The following UBE2QL1 variants were observed in gnomAD, a reference collection of about 807,000 sequenced individuals.
UBE2QL1 encodes ubiquitin-conjugating enzyme E2Q-like protein 1.
A neutral mutation model predicts 12.6 loss-of-function variants in UBE2QL1; 5 were observed. The observed-to-expected ratio is 0.40, with a 90% CI of 0.21 to 0.83. The LOEUF (loss-of-function observed/expected upper bound fraction) is 0.83, where lower values mean the gene tolerates loss of function less well. Ranked by LOEUF, UBE2QL1 falls within the 40% of genes least tolerant of loss-of-function variation. The pLI, the probability that UBE2QL1 is intolerant of heterozygous loss-of-function variation, is 0.37. For synonymous variants in UBE2QL1, 96 were observed against 94.5 expected (o/e 1.02, Z -0.10); for missense variants, 99 against 222.6 (o/e 0.44, Z 3.53).
intron 1 of UBE2QL1, among the ~76,000 whole-genome samples, chr5:6,460,190 C>T (rs1367968214): frequency 6.6e-6 from 1 of 152,126 alleles, no homozygotes; most frequent in Non-Finnish European, 1.5e-5. Flanking sequence ...TGGGCAGGCA[C>T]CCACCTCCCT....
At position 6,481,043 on chromosome 5, in the gene UBE2QL1, T is replaced by C. The variant is rs1228642202; in HGVS notation, c.355-10175T>C. ...TGCTAAAAAATAAGGTCAATAGGAGTTTTTAAGGTTTTGATAGTATTATAA... is the reference window on the plus strand; with the variant it reads ...TGCTAAAAAATAAGGTCAATAGGAGCTTTTAAGGTTTTGATAGTATTATAA... On this transcript the variant is annotated intron_variant, in intron 1 of 1. Coordinates refer to ENST00000399816, the MANE Select transcript of UBE2QL1 (RefSeq NM_001145161.3). The surrounding 1 kb of genome is among the most constrained non-coding windows in gnomAD (Gnocchi z 4.5). 6.6e-6 allele frequency among the ~76,000 whole-genome samples: 1 copy of C among 151,668 alleles called. No homozygotes were observed. Among genetic ancestry groups the C allele is most frequent in the Non-Finnish European group, 1.5e-5 (1 of 67,944 alleles).
intron 1 of UBE2QL1, among the ~76,000 whole-genome samples, chr5:6,469,881 T>C (rs1739873401): frequency 6.6e-6 from 1 of 152,170 alleles, no homozygotes; most frequent in African/African-American, 2.4e-5. Flanking sequence ...AGGAGATGGC[T>C]CTAATTTGGT....
intron 1 of UBE2QL1, among the ~76,000 whole-genome samples, chr5:6,461,895 C>T (rs1232373235): frequency 1.3e-5 from 2 of 152,200 alleles, no homozygotes; most frequent in African/African-American, 2.4e-5. Flanking sequence ...CCACTGGTTT[C>T]CCAGCTCCAC....
intron 1 of UBE2QL1, among the ~76,000 whole-genome samples, chr5:6,483,816 G>A (rs539524200): frequency 6.6e-6 from 1 of 152,296 alleles, no homozygotes; most frequent in African/African-American, 2.4e-5. Flanking sequence ...GCTGGTCCAT[G>A]TAGCCATGTG....
chr5:6,484,918 C>G (rs1560936649), intron 1 of UBE2QL1, among the ~76,000 whole-genome samples: 1 of 152,036 alleles, frequency 6.6e-6, no homozygotes, highest in Non-Finnish European at 1.5e-5. Flanking sequence ...CTCCACTCAG[C>G]CAAGAGCCTT....
intron 1 of UBE2QL1, among the ~76,000 whole-genome samples, chr5:6,470,353 A>G (rs558979784): frequency 6.6e-6 from 1 of 152,362 alleles, no homozygotes; most frequent in East Asian, 1.9e-4. Context: ...CTGTGTGCAG[A>G]ATTATAATGG....
At chr5:6,454,905 A>G (rs1247585886) in intron 1 of UBE2QL1, among the ~76,000 whole-genome samples, 1 of 152,004 alleles carries the variant, frequency 6.6e-6, no homozygotes, top group Non-Finnish European at 1.5e-5. Flanking sequence ...TGTTCAGAGG[A>G]AAAAATAGCT....
chr5:6,496,116 C>A lies in UBE2QL1; in HGVS notation c.*4767C>A, dbSNP rs532496764. On this transcript the variant is annotated 3_prime_UTR_variant, in exon 2 of 2. Transcript: ENST00000399816. ...GCAATGAGGGGGTCAGGTGCGAGGC[C>A]GTCCTCCCAGGTCAGTAAGGCCGCA... Among the ~76,000 whole-genome samples, 1 of 152,098 alleles carries A rather than the reference C, an allele frequency of 6.6e-6. No individual in the cohort carries two copies. The highest frequency in any genetic ancestry group is 1.5e-5 in the Non-Finnish European group (1 of 68,020).
intron 1 of UBE2QL1, among the ~76,000 whole-genome samples, chr5:6,487,924 C>T (rs6865363): frequency 0.19 from 29,619 of 152,168 alleles, 6,375 homozygotes; most frequent in African/African-American, 0.53. Flanking sequence ...GTCAGAAAAA[C>T]GGCTCTGTGA....
At chr5:6,471,160 T>C (rs1429320236) in intron 1 of UBE2QL1, among the ~76,000 whole-genome samples, 2 of 152,214 alleles carry the variant, frequency 1.3e-5, no homozygotes, top group Non-Finnish European at 1.5e-5. Flanking sequence ...TTTCGTTTGA[T>C]TGTTATTTAT....
intron 1 of UBE2QL1, among the ~76,000 whole-genome samples, chr5:6,467,288 C>G (rs1739817931): frequency 6.6e-6 from 1 of 152,026 alleles, no homozygotes; most frequent in Admixed American, 6.6e-5. Flanking sequence ...AAAACAAAGT[C>G]CCCACAGGCT....
rs185445321 is a variant in UBE2QL1, at chr5:6,467,802, C to T, written c.354+18555C>T. On this transcript the variant is annotated intron_variant, in intron 1 of 1. Coordinates refer to ENST00000399816, the MANE Select transcript of UBE2QL1 (RefSeq NM_001145161.3). Reference sequence around the variant, plus strand: ...CCCCCCAGACTGTGTTCCTTCCCATCCCCCTTTGTTCCTGCAGCATCGACA... The same window carrying T: ...CCCCCCAGACTGTGTTCCTTCCCATTCCCCTTTGTTCCTGCAGCATCGACA... 2.0e-3 allele frequency among the ~76,000 whole-genome samples: 298 copies of T among 152,040 alleles called. 3 individuals carry two copies. The highest frequency in any genetic ancestry group is 7.0e-3 in the African/African-American group (290 of 41,458).
intron 1 of UBE2QL1, among the ~76,000 whole-genome samples, chr5:6,465,623 G>T (rs995084690): frequency 6.6e-6 from 1 of 152,138 alleles, no homozygotes; most frequent in Non-Finnish European, 1.5e-5. Flanking sequence ...TCTTGGGGGG[G>T]CTCTGGGATG....
intron 1 of UBE2QL1, among the ~76,000 whole-genome samples, chr5:6,466,353 C>T (rs1739793249): frequency 6.6e-6 from 1 of 152,204 alleles, no homozygotes; most frequent in Admixed American, 6.5e-5. Flanking sequence ...CCCCCCAACC[C>T]ATCTGCCTCC....
chr5:6,480,628 C>G (rs1367371452), intron 1 of UBE2QL1, among the ~76,000 whole-genome samples: 1 of 152,216 alleles, frequency 6.6e-6, no homozygotes, highest in African/African-American at 2.4e-5. Context: ...AAAGTACCAT[C>G]TGTTTCAAAA....
intron 1 of UBE2QL1, 105 bp downstream of exon 1, chr5:6,449,352 C>A: frequency 9.0e-7 from 1 of 1,112,638 alleles, no homozygotes; most frequent in South Asian, 3.4e-5. Context: ...CCCCTCCGGC[C>A]ATCTCGCTCC....
At position 6,490,459 on chromosome 5, in the gene UBE2QL1, G is replaced by A. The variant is rs1296592845; in HGVS notation, c.355-759G>A. Among the ~76,000 whole-genome samples the A allele has an allele frequency of 2.6e-5, 4 of 152,356 alleles. No individual in the cohort carries two copies. The East Asian group carries it at 7.7e-4, about 29-fold the overall frequency. On this transcript the variant is annotated intron_variant, in intron 1 of 1. Transcript: ENST00000399816. ...AGAGACAAGTGCTCTGTCCTTGGGA[G>A]CAGAACACGCCTGGTCACTGTGAGG...
At chr5:6,449,789 T>C (rs1387027432) in intron 1 of UBE2QL1, among the ~76,000 whole-genome samples, 2 of 151,514 alleles carry the variant, frequency 1.3e-5, no homozygotes, top group African/African-American at 4.9e-5. Context: ...CTCCTGTCCC[T>C]ATAATCTCTA....
At chr5:6,484,677 C>T (rs976515459) in intron 1 of UBE2QL1, among the ~76,000 whole-genome samples, 1 of 152,104 alleles carries the variant, frequency 6.6e-6, no homozygotes, top group African/African-American at 2.4e-5. Flanking sequence ...GGTTGCACTT[C>T]AGACAAAACC....
Sources: gnomAD v4.1 joint callset for allele counts (sites outside exome capture counted in the v4.1 genomes callset) on GRCh38, gnomAD v4.1.1 for gene constraint, Gnocchi (gnomAD v3.1) non-coding constraint, MANE v1.5 for transcripts, NCBI Gene and HGNC (gene_info 2026-07-23, HGNC 2026-07-21) for gene names.